Variants in RAP1GAP observed in about 807,000 individuals in gnomAD.
RAP1GAP encodes rap1 GTPase-activating protein 1.
A neutral mutation model predicts 87.2 loss-of-function variants in RAP1GAP; 35 were observed. The observed-to-expected ratio is 0.40, with a 90% CI of 0.31 to 0.53. The LOEUF (loss-of-function observed/expected upper bound fraction) is 0.53. RAP1GAP is among the 20% of genes least tolerant of loss of function. RAP1GAP has a pLI of 0.48. For missense variants in RAP1GAP, 734 were observed against 898.9 expected (o/e 0.82, Z 2.35); for synonymous variants, 375 against 363.9 (o/e 1.03, Z -0.35).
In RAP1GAP at chr1:21,613,017, T is replaced by C. The variant is rs1294041192; in HGVS notation, c.528+159A>G. 5 of 784,444 alleles carry C rather than the reference T, an allele frequency of 6.4e-6. No individual in the cohort carries two copies. The highest frequency in any genetic ancestry group is 1.1e-5 in the Non-Finnish European group (5 of 464,962). 48.6% of individuals were successfully genotyped at this position (784,444 alleles called of 1,614,324 possible). A position where few individuals can be genotyped will look rare whatever the true frequency, so the allele number is the denominator to read the frequency against. The stretch of plus-strand genomic sequence containing the variant: ...TGGGGGAAGGCACAGGCCCTTTCGG[T>C]GGCTCCTCTTCTGCAAATTGTGGAC... On this transcript the variant is annotated intron_variant, in intron 10 of 24. Coordinates refer to ENST00000374765, the MANE Select transcript of RAP1GAP (RefSeq NM_002885.4). The surrounding 1 kb of genome is among the most constrained non-coding windows in gnomAD (Gnocchi z 4.7).
At chr1:21,598,996 T>C (rs762047919) in intron 21 of RAP1GAP, among the ~76,000 whole-genome samples, 58 of 152,236 alleles carry the variant, frequency 3.8e-4, no homozygotes, top group Admixed American at 2.2e-3. Context: ...GCCCGAGGAC[T>C]GTGAGAACGT....
rs1380360925 is a variant in RAP1GAP at position 21,607,077 on chromosome 1, G to A, written c.1297-880C>T. 5.9e-5 allele frequency among the ~76,000 whole-genome samples: 9 copies of A among 152,320 alleles called. No homozygotes were observed. In the East Asian group the frequency reaches 1.5e-3, roughly 26 times the overall value. ...TCCCTTATTCCAACCCATAGCTCCAGCTGTGTGACCTGTCCTGGGTTGAGG... is the reference window on the plus strand; with the variant it reads ...TCCCTTATTCCAACCCATAGCTCCAACTGTGTGACCTGTCCTGGGTTGAGG... On this transcript the variant is annotated intron_variant, in intron 17 of 24. Transcript: ENST00000374765.
At chr1:21,661,288 TTGG>T (rs1333113887) in intron 1 of RAP1GAP, among the ~76,000 whole-genome samples, 1 of 151,672 alleles carries the variant, frequency 6.6e-6, no homozygotes, top group Non-Finnish European at 1.5e-5. Flanking sequence ...GCAGCCATTC[TTGG>T]TGGAGGCAGA....
At chr1:21,654,732 TGAGGTGGGAGGATTGCTCAAGCCTGG>T (rs1466669685) in intron 1 of RAP1GAP, among the ~76,000 whole-genome samples, 1 of 152,064 alleles carries the variant, frequency 6.6e-6, no homozygotes, top group Non-Finnish European at 1.5e-5. Context: ...TTTGAGAGGC[TGAGGTGGGAGGATTGCTCAAGCCTGG>T]GAGGTTGAGG....
At chr1:21,648,492 T>C (rs2096278648) in intron 2 of RAP1GAP, among the ~76,000 whole-genome samples, 1 of 152,196 alleles carries the variant, frequency 6.6e-6, no homozygotes, top group African/African-American at 2.4e-5. Context: ...CCGGGCTTCA[T>C]TGTTCTCATC....
chr1:21,656,440 A>C (rs1468465280), intron 1 of RAP1GAP, among the ~76,000 whole-genome samples: 17 of 151,680 alleles, frequency 1.1e-4, no homozygotes, highest in Non-Finnish European at 2.1e-4. Flanking sequence ...AAAAAAAAAA[A>C]AAAAAAAAAA....
chr1:21,615,806 T>G lies in RAP1GAP; in HGVS notation c.291+1500A>C, dbSNP rs2081651500. Among the ~76,000 whole-genome samples the G allele has an allele frequency of 6.6e-6, 1 of 152,182 alleles. No individual in the cohort carries two copies. Among genetic ancestry groups the G allele is most frequent in the Admixed American group, 6.5e-5 (1 of 15,280 alleles). On this transcript the variant is annotated intron_variant, in intron 7 of 24. Transcript: ENST00000374765. The surrounding 1 kb of genome is among the most constrained non-coding windows in gnomAD (Gnocchi z 4.5). ...TTGTCACTCTTTCAACAAACTTTTC[T>G]GAGTACCAACCATGTGTTTGGCATA...
chr1:21,618,910 TG>T, intron 5 of RAP1GAP, 114 bp downstream of exon 5: 1 of 1,240,280 alleles, frequency 8.1e-7, no homozygotes, highest in East Asian at 2.5e-5. Flanking sequence ...CCTGGCACAC[TG>T]TAAGACTACT....
chr1:21,664,603 T>A (rs1348542833), intron 1 of RAP1GAP, among the ~76,000 whole-genome samples: 2 of 152,188 alleles, frequency 1.3e-5, no homozygotes, highest in Non-Finnish European at 2.9e-5. Context: ...TATCACTTAC[T>A]GAACACCTAA....
chr1:21,612,971 C>T, intron 10 of RAP1GAP: 1 of 605,482 alleles, frequency 1.7e-6, no homozygotes, highest in East Asian at 2.8e-5. Context: ...AAACGCAGGC[C>T]CTCCTATCTG....
intron 17 of RAP1GAP, among the ~76,000 whole-genome samples, 166 bp downstream of exon 17, chr1:21,608,047 T>A (rs2075909223): frequency 6.7e-6 from 1 of 148,714 alleles, no homozygotes; most frequent in African/African-American, 2.5e-5. Context: ...CTAGCTGCAC[T>A]CCCCATGCTG....
intron 18 of RAP1GAP, among the ~76,000 whole-genome samples, chr1:21,604,468 AAC>A (rs2072240571): frequency 6.6e-6 from 1 of 151,954 alleles, no homozygotes; most frequent in African/African-American, 2.4e-5. Context: ...GAAAGGAGGA[AAC>A]ACAGAGAGAG....
intron 2 of RAP1GAP, among the ~76,000 whole-genome samples, chr1:21,642,376 C>A (rs1365301031): frequency 6.6e-6 from 1 of 152,182 alleles, no homozygotes; most frequent in Non-Finnish European, 1.5e-5. Context: ...GCCTTGGCAC[C>A]CATTATCTCA....
rs567327643 is a variant in RAP1GAP, at chr1:21,615,359, C to T, written c.292-1270G>A. ...CATTCTGCCAGCCCTGGGGCTTCTC[C>T]CTCATTACTGCTAATCTGATCCTGG... On this transcript the variant is annotated intron_variant, in intron 7 of 24. Transcript: ENST00000374765. The surrounding 1 kb of genome is among the most constrained non-coding windows in gnomAD (Gnocchi z 4.5). 1.3e-3 allele frequency among the ~76,000 whole-genome samples: 193 copies of T among 152,272 alleles called. No homozygotes were observed. The highest frequency in any genetic ancestry group is 4.5e-3 in the African/African-American group (185 of 41,562).
At chr1:21,618,983 T>C in intron 5 of RAP1GAP, 42 bp downstream of exon 5, 1 of 1,560,148 alleles carries the variant, frequency 6.4e-7, no homozygotes, top group Non-Finnish European at 8.7e-7. Flanking sequence ...CCGGACCCCC[T>C]CCACCCCCTA....
At position 21,668,771 on chromosome 1, in the gene RAP1GAP, C is replaced by G. The variant is rs1028296660; in HGVS notation, c.-149+483G>C. Among the ~76,000 whole-genome samples, 2 of 152,114 alleles carry G rather than the reference C, an allele frequency of 1.3e-5. No individual in the cohort carries two copies. The highest frequency in any genetic ancestry group is 4.8e-5 in the African/African-American group (2 of 41,448). ...GATGCAAGGACATCACCGCCCTCCCCGCTCAGGGTCCTTGATCTGAGGCCC... is the reference window on the plus strand; with the variant it reads ...GATGCAAGGACATCACCGCCCTCCCGGCTCAGGGTCCTTGATCTGAGGCCC... On this transcript the variant is annotated intron_variant, in intron 1 of 24. Transcript: ENST00000374765. The surrounding 1 kb of genome is among the most constrained non-coding windows in gnomAD (Gnocchi z 6.2).
At chr1:21,611,636 A>C in intron 12 of RAP1GAP, 55 bp from the exon 13 acceptor site, 1 of 1,613,640 alleles carries the variant, frequency 6.2e-7, no homozygotes, top group African/African-American at 1.3e-5. Context: ...CCAGGCCTCC[A>C]TGGGGCCAGG....
intron 2 of RAP1GAP, among the ~76,000 whole-genome samples, chr1:21,637,972 CAAA>C (rs35411110): frequency 1.4e-5 from 1 of 70,146 alleles, no homozygotes. Context: ...CCATCTCTAC[CAAA>C]AAAAAAAAAA....
In RAP1GAP at chr1:21,598,452, A is replaced by G; in HGVS notation, c.1827T>C (p.Tyr609=). ...GTPHKRDSFI[Y]STWLEDSVST... ...TGACACTGTCCTCCAGCCACGTGCT[A>G]TAGATGAAGGAGTCCCGCTTGTGGG... is the stretch of plus-strand genomic sequence containing the variant. The change falls in exon 22 of 25, where the codon TAT becomes TAC. Residue 609 remains tyrosine (Y), a synonymous_variant. Transcript: ENST00000374765. The G allele has an allele frequency of 3.1e-6, 5 of 1,614,010 alleles. No individual in the cohort carries two copies. Among genetic ancestry groups the G allele is most frequent in the Non-Finnish European group, 4.2e-6 (5 of 1,179,922 alleles).
Sources: gnomAD v4.1 joint callset for allele counts (sites outside exome capture counted in the v4.1 genomes callset) on GRCh38, gnomAD v4.1.1 for gene constraint, Gnocchi (gnomAD v3.1) non-coding constraint, MANE v1.5 for transcripts, NCBI Gene and HGNC (gene_info 2026-07-23, HGNC 2026-07-21) for gene names.